KLHL1: variants seen among roughly 807,000 people sequenced by gnomAD.
KLHL1 encodes kelch-like protein 1.
In KLHL1, 47 loss-of-function variants were observed where a neutral mutation model predicts 77.7. That is an observed-to-expected ratio of 0.60 (90% CI 0.48 to 0.77). The LOEUF (loss-of-function observed/expected upper bound fraction) is 0.77, where lower values mean the gene tolerates loss of function less well. Ranked by LOEUF, KLHL1 falls within the 30% of genes least tolerant of loss-of-function variation. The pLI is 0.00. For missense variants in KLHL1, 925 were observed against 910.8 expected (o/e 1.02, Z -0.20); for synonymous variants, 360 against 325.2 (o/e 1.11, Z -1.15).
At chr13:69,951,337 A>G (rs899150358) in intron 3 of KLHL1, among the ~76,000 whole-genome samples, 1 of 151,444 alleles carries the variant, frequency 6.6e-6, no homozygotes, top group Non-Finnish European at 1.5e-5. Flanking sequence ...TATATTCTAC[A>G]TCATCAGGAA....
chr13:70,004,957 A>G (rs57227774), intron 1 of KLHL1, among the ~76,000 whole-genome samples: 21,498 of 151,570 alleles, frequency 0.14, 2,909 homozygotes, highest in African/African-American at 0.36. Context: ...CAAATATTAC[A>G]AGTAATTTTA....
At chr13:69,890,171 G>C (rs530879023) in intron 4 of KLHL1, among the ~76,000 whole-genome samples, 50 of 151,926 alleles carry the variant, frequency 3.3e-4, no homozygotes, top group Non-Finnish European at 6.6e-4. Flanking sequence ...GATTTGAAGA[G>C]GGTGACAATG....
At chr13:70,024,143 G>C (rs1885873743) in intron 1 of KLHL1, among the ~76,000 whole-genome samples, 1 of 151,814 alleles carries the variant, frequency 6.6e-6, no homozygotes, top group Non-Finnish European at 1.5e-5. Context: ...TTGTTGATAT[G>C]TTTTAAATAC....
chr13:69,872,274 A>G (rs1208114420), intron 5 of KLHL1, among the ~76,000 whole-genome samples: 1 of 152,108 alleles, frequency 6.6e-6, no homozygotes, highest in Non-Finnish European at 1.5e-5. Context: ...GACTCCAGGG[A>G]TTACAGTAAT....
chr13:69,889,676 T>C (rs1405923988), intron 4 of KLHL1, among the ~76,000 whole-genome samples: 3 of 152,022 alleles, frequency 2.0e-5, no homozygotes, highest in Admixed American at 6.6e-5. Context: ...ATTTGGAGAG[T>C]TGGACAGGAT....
intron 7 of KLHL1, among the ~76,000 whole-genome samples, chr13:69,747,905 T>C (rs931693796): frequency 2.0e-5 from 3 of 151,952 alleles, no homozygotes; most frequent in Non-Finnish European, 4.4e-5. Flanking sequence ...TATATTACTA[T>C]ACACAGCAAA....
intron 4 of KLHL1, among the ~76,000 whole-genome samples, chr13:69,915,275 G>T (rs1194769110): frequency 2.0e-5 from 3 of 152,244 alleles, no homozygotes; most frequent in Middle Eastern, 3.4e-3. Context: ...AAAAGAGCCT[G>T]CATTGCCAAG....
chr13:69,769,198 C>T (rs1388015903), intron 7 of KLHL1, among the ~76,000 whole-genome samples: 2 of 152,114 alleles, frequency 1.3e-5, no homozygotes, highest in African/African-American at 2.4e-5. Flanking sequence ...GGCCCAACTG[C>T]TAAGGTTTGA....
chr13:70,063,611 T>C (rs1886942385), intron 1 of KLHL1, among the ~76,000 whole-genome samples: 1 of 152,110 alleles, frequency 6.6e-6, no homozygotes, highest in African/African-American at 2.4e-5. Context: ...TAAAATATGA[T>C]TGCAAAATTT....
In KLHL1 at chr13:70,102,790, C is replaced by T. The variant is rs188614183; in HGVS notation, c.497+4413G>A. 7.2e-5 allele frequency among the ~76,000 whole-genome samples: 11 copies of T among 152,288 alleles called. No homozygotes were observed. The East Asian group carries it at 2.1e-3, about 29-fold the overall frequency. On this transcript the variant is annotated intron_variant, in intron 1 of 10. Transcript: ENST00000377844. Reference sequence around the variant, plus strand: ...AAGATGTTATTAATTTTAACTTACGCATATAAATATTCAACATGCTAACTG... The same window carrying T: ...AAGATGTTATTAATTTTAACTTACGTATATAAATATTCAACATGCTAACTG...
chr13:69,837,797 T>G (rs1226692591), intron 6 of KLHL1, among the ~76,000 whole-genome samples: 1 of 150,908 alleles, frequency 6.6e-6, no homozygotes, highest in Non-Finnish European at 1.5e-5. Flanking sequence ...TTTATTGTGT[T>G]TTAAAGAAGT....
At chr13:70,005,578 G>C (rs2137330621) in intron 1 of KLHL1, among the ~76,000 whole-genome samples, 1 of 151,690 alleles carries the variant, frequency 6.6e-6, no homozygotes, top group East Asian at 1.9e-4. Context: ...CAAAAGATTA[G>C]AAATCCTTAT....
At chr13:69,707,924 C>A (rs1012642892) in intron 9 of KLHL1, 128 bp from the exon 10 acceptor site, 6 of 646,716 alleles carry the variant, frequency 9.3e-6, no homozygotes, top group Non-Finnish European at 1.5e-5. Flanking sequence ...AAGGCTCAAT[C>A]ATTTGAGCAG....
In KLHL1 at chr13:69,777,541, T is replaced by G. The variant is rs1593819145; in HGVS notation, c.1639+19197A>C. On this transcript the variant is annotated intron_variant, in intron 7 of 10. Transcript: ENST00000377844. The stretch of plus-strand genomic sequence containing the variant: ...TGAGATAATCCAATATCATTTAAAT[T>G]AATTTATTTTCCAACAAAATTTGTG... 3.3e-5 allele frequency among the ~76,000 whole-genome samples: 5 copies of G among 152,338 alleles called. No homozygotes were observed. In the East Asian group the frequency reaches 9.6e-4, roughly 29 times the overall value.
intron 7 of KLHL1, among the ~76,000 whole-genome samples, chr13:69,786,613 C>T (rs1876563924): frequency 6.6e-6 from 1 of 152,196 alleles, no homozygotes; most frequent in East Asian, 1.9e-4. Context: ...GGGATGCCCT[C>T]TCTCACCACT....
In KLHL1 at chr13:69,724,935, T is replaced by C. The variant is rs187299563; in HGVS notation, c.1803-5354A>G. ...AATAAGTGAATTAATAAATATCATG[T>C]TTACATCTGCTCTACTTATTTCCCC... is the stretch of plus-strand genomic sequence containing the variant. On this transcript the variant is annotated intron_variant, in intron 8 of 10. Transcript: ENST00000377844. 4.6e-5 allele frequency among the ~76,000 whole-genome samples: 7 copies of C among 152,300 alleles called. No homozygotes were observed. The East Asian group carries it at 1.2e-3, about 25-fold the overall frequency.
At chr13:69,883,145 A>C (rs1881063915) in intron 4 of KLHL1, among the ~76,000 whole-genome samples, 2 of 152,156 alleles carry the variant, frequency 1.3e-5, no homozygotes, top group Non-Finnish European at 2.9e-5. Context: ...TCTCAGTTTC[A>C]TCCTCTATCA....
chr13:69,869,686 A>AATT (rs1880506427), intron 5 of KLHL1, among the ~76,000 whole-genome samples: 1 of 152,170 alleles, frequency 6.6e-6, no homozygotes, highest in African/African-American at 2.4e-5. Context: ...TTAAAATAAT[A>AATT]AACTATATTT....
intron 1 of KLHL1, among the ~76,000 whole-genome samples, chr13:69,984,823 T>C (rs1275847102): frequency 6.6e-6 from 1 of 152,076 alleles, no homozygotes; most frequent in African/African-American, 2.4e-5. Flanking sequence ...AAAACTTCTG[T>C]GCAGGCTGGG....
Sources: allele counts gnomAD v4.1 joint callset (sites outside exome capture counted in the v4.1 genomes callset), GRCh38; gene constraint gnomAD v4.1.1; transcripts MANE v1.5; gene names NCBI Gene and HGNC (gene_info 2026-07-23, HGNC 2026-07-21).